Variants in VAV3 observed in about 807,000 individuals in gnomAD.
VAV3 encodes the protein vav guanine nucleotide exchange factor 3.
A neutral mutation model predicts 131.2 loss-of-function variants in VAV3; 94 were observed. That is an observed-to-expected ratio of 0.72 (90% CI 0.61 to 0.85). The LOEUF (loss-of-function observed/expected upper bound fraction) is 0.85. VAV3 is among the 40% of genes least tolerant of loss of function. VAV3 has a pLI of 0.00. For missense variants in VAV3, 939 were observed against 1,002.7 expected (o/e 0.94, Z 0.86); for synonymous variants, 349 against 342.0 (o/e 1.02, Z -0.22).
intron 17 of VAV3, among the ~76,000 whole-genome samples, chr1:107,694,265 T>C (rs1188587271): frequency 6.6e-6 from 1 of 152,082 alleles, no homozygotes; most frequent in Admixed American, 6.6e-5. Flanking sequence ...CAGAAAGCAA[T>C]GAAAGGGTGG....
At chr1:107,742,027 G>A (rs1663050873) in intron 15 of VAV3, among the ~76,000 whole-genome samples, 1 of 152,138 alleles carries the variant, frequency 6.6e-6, no homozygotes, top group Non-Finnish European at 1.5e-5. Flanking sequence ...CATAGTTGAA[G>A]GCTTACATAA....
chr1:107,848,729 T>C (rs1455149297), intron 2 of VAV3, among the ~76,000 whole-genome samples: 1 of 152,088 alleles, frequency 6.6e-6, no homozygotes, highest in Non-Finnish European at 1.5e-5. Flanking sequence ...GACAGGGCAA[T>C]CAGGAAAGAT....
intron 2 of VAV3, among the ~76,000 whole-genome samples, chr1:107,829,273 TATG>T (rs1412821208): frequency 6.6e-6 from 1 of 152,212 alleles, no homozygotes; most frequent in Non-Finnish European, 1.5e-5. Context: ...TGACTCACTG[TATG>T]ATATTGTTAA....
At chr1:107,653,475 C>T (rs1292315737) in intron 19 of VAV3, among the ~76,000 whole-genome samples, 4 of 152,042 alleles carry the variant, frequency 2.6e-5, no homozygotes, top group African/African-American at 4.8e-5. Context: ...TTGTAAACTT[C>T]TATGAGTCCA....
At chr1:107,714,359 C>A (rs1009989611) in intron 15 of VAV3, among the ~76,000 whole-genome samples, 2 of 152,156 alleles carry the variant, frequency 1.3e-5, no homozygotes, top group Non-Finnish European at 2.9e-5. Flanking sequence ...CTCCTAAAAT[C>A]TCCAGTTCTG....
At chr1:107,765,017 G>A (rs1664658979) in intron 9 of VAV3, 59 bp downstream of exon 9, 2 of 1,100,800 alleles carry the variant, frequency 1.8e-6, no homozygotes, top group South Asian at 1.3e-5. Context: ...TCATAAAGAG[G>A]AACACATTGC....
At chr1:107,890,104 T>C (rs1311147160) in intron 1 of VAV3, among the ~76,000 whole-genome samples, 1 of 152,186 alleles carries the variant, frequency 6.6e-6, no homozygotes, top group Non-Finnish European at 1.5e-5. Context: ...TTTTATTCTT[T>C]CTTAGTATCA....
At chr1:107,726,435 T>C (rs1275927777) in intron 15 of VAV3, among the ~76,000 whole-genome samples, 1 of 152,224 alleles carries the variant, frequency 6.6e-6, no homozygotes. Flanking sequence ...AGCTGGCTCA[T>C]TTCAGTTTTC....
chr1:107,927,987 G>T (rs1173386678), intron 1 of VAV3, among the ~76,000 whole-genome samples: 1 of 152,122 alleles, frequency 6.6e-6, no homozygotes, highest in Non-Finnish European at 1.5e-5. Context: ...TGCTATACTG[G>T]CTTCAGAGCA....
intron 22 of VAV3, among the ~76,000 whole-genome samples, chr1:107,603,412 T>C (rs1652019173): frequency 6.6e-6 from 1 of 152,036 alleles, no homozygotes; most frequent in South Asian, 2.1e-4. Context: ...AGTAAATAAA[T>C]GGGACACAGA....
chr1:107,836,644 G>A (rs1311366552), intron 2 of VAV3, among the ~76,000 whole-genome samples: 1 of 152,008 alleles, frequency 6.6e-6, no homozygotes, highest in African/African-American at 2.4e-5. Flanking sequence ...TTGGTTCTTT[G>A]AAAGAATAAA....
chr1:107,942,377 T>C (rs1450265630), intron 1 of VAV3, among the ~76,000 whole-genome samples: 1 of 152,164 alleles, frequency 6.6e-6, no homozygotes, highest in Non-Finnish European at 1.5e-5. Context: ...TGCAAGACCA[T>C]ATCCAGCCCT....
chr1:107,799,387 C>T (rs926570288), intron 2 of VAV3, among the ~76,000 whole-genome samples: 3 of 150,378 alleles, frequency 2.0e-5, no homozygotes, highest in African/African-American at 7.3e-5. Flanking sequence ...ACATAACTTA[C>T]GAAGTTCCCC....
intron 1 of VAV3, among the ~76,000 whole-genome samples, chr1:107,954,938 C>G (rs1297903331): frequency 6.6e-6 from 1 of 152,162 alleles, no homozygotes; most frequent in Non-Finnish European, 1.5e-5. Context: ...AGAGTATCCA[C>G]CACATGGGGA....
intron 2 of VAV3, among the ~76,000 whole-genome samples, chr1:107,804,767 TTTG>T (rs1046857539): frequency 1.3e-5 from 2 of 152,104 alleles, no homozygotes; most frequent in Admixed American, 6.6e-5. Context: ...TTTGGTTTTT[TTTG>T]TTTGTTTGTT....
intron 1 of VAV3, among the ~76,000 whole-genome samples, chr1:107,877,411 CA>C (rs1670556987): frequency 6.6e-6 from 1 of 152,152 alleles, no homozygotes; most frequent in Non-Finnish European, 1.5e-5. Flanking sequence ...GATTTCCCAC[CA>C]AACTCAAACT....
intron 20 of VAV3, among the ~76,000 whole-genome samples, chr1:107,624,414 G>GTA (rs1491233423): frequency 3.3e-4 from 46 of 138,884 alleles, no homozygotes; most frequent in African/African-American, 1.2e-3. Flanking sequence ...GTGTGTGTGT[G>GTA]AAAGAAACAA....
intron 1 of VAV3, among the ~76,000 whole-genome samples, chr1:107,924,554 C>A (rs1571147968): frequency 6.6e-6 from 1 of 152,260 alleles, no homozygotes; most frequent in South Asian, 2.1e-4. Context: ...CATACCACCA[C>A]CAAAAATATC....
chr1:107,802,907 G>A (rs1394988595), intron 2 of VAV3, among the ~76,000 whole-genome samples: 4 of 148,298 alleles, frequency 2.7e-5, no homozygotes, highest in South Asian at 2.1e-4. Flanking sequence ...TGAAGAGTTA[G>A]AGTTGAATTG....
Sources: gnomAD v4.1 joint callset for allele counts (sites outside exome capture counted in the v4.1 genomes callset) on GRCh38, gnomAD v4.1.1 for gene constraint, MANE v1.5 for transcripts, NCBI Gene and HGNC (gene_info 2026-07-23, HGNC 2026-07-21) for gene names.